The following DUSP4 variants were observed in gnomAD, a reference collection of about 807,000 sequenced individuals.
DUSP4 encodes the protein dual specificity phosphatase 4, also known as dual specificity protein phosphatase 4.
DUSP4 carries 12 observed loss-of-function variants against 27.2 expected under a neutral mutation model. The ratio of observed to expected loss-of-function variants is 0.44; its 90% confidence interval spans 0.28 to 0.71. The LOEUF is 0.71. Ranked by LOEUF, DUSP4 falls within the 30% of genes least tolerant of loss-of-function variation. The pLI, the probability that DUSP4 is intolerant of heterozygous loss-of-function variation, is 0.14. For missense variants in DUSP4, 448 were observed against 551.3 expected, an observed-to-expected ratio of 0.81 and a Z score of 1.88; for synonymous variants, 257 against 245.2, an observed-to-expected ratio of 1.05 and a Z score of -0.45.
Position 29,337,393 on chromosome 8 carries a change from C to T in DUSP4, c.818G>A (p.Arg273His), listed in dbSNP as rs1004262894. The T allele has an allele frequency of 4.4e-6, 7 of 1,606,516 alleles. No homozygotes were observed. The highest frequency in any genetic ancestry group is 2.7e-5 in the African/African-American group (2 of 74,918). ...IEYIDAVKDC[R>H]GRVLVHCQAG... Reference sequence around the variant, plus strand: ...CTGGCAGTGCACCAGCACGCGCCCACGGCAGTCCTTCACGGCATCTGGGGA... The same window carrying T: ...CTGGCAGTGCACCAGCACGCGCCCATGGCAGTCCTTCACGGCATCTGGGGA... Residue 273 changes from arginine to histidine, a missense_variant, in exon 4 of 4, where the codon CGT becomes CAT. Physicochemically the swap from Arg to His is conservative, Grantham distance 29. Coordinates refer to ENST00000240100, the MANE Select transcript of DUSP4 (RefSeq NM_001394.7). This position sits in a 1 kb window ranked among gnomAD's most constrained non-coding sequence, Gnocchi z 6.4.
chr8:29,348,767 G>T, intron 1 of DUSP4: 1 of 985,520 alleles, frequency 1.0e-6, no homozygotes, highest in Non-Finnish European at 1.2e-6. Context: ...GCGGGGGGGA[G>T]GAGCGGCTCT....
Position 29,335,401 on chromosome 8 carries a change from T to G in DUSP4, c.*1625A>C, listed in dbSNP as rs1408218524. 6.6e-6 allele frequency: 1 copy of G among 152,204 alleles called. No individual in the cohort carries two copies. The highest frequency in any genetic ancestry group is 2.4e-5 in the African/African-American group (1 of 41,448). 9.4% of individuals were successfully genotyped at this position (152,204 alleles called of 1,614,324 possible). ...CCAGCAGTCAGCCCCAACCCCACCC[T>G]GGCGCTTTGATTTCCAGTTTGGGAA... On this transcript the variant is annotated 3_prime_UTR_variant, in exon 4 of 4. Transcript: ENST00000240100.
At chr8:29,346,061 G>A in intron 1 of DUSP4, 1 of 985,162 alleles carries the variant, frequency 1.0e-6, no homozygotes, top group Non-Finnish European at 1.2e-6. Flanking sequence ...AAGACAGAGA[G>A]AGCAATGGTG....
At chr8:29,345,447 G>A (rs1409565333) in intron 1 of DUSP4, 3 of 1,613,998 alleles carry the variant, frequency 1.9e-6, no homozygotes, top group Non-Finnish European at 2.5e-6. Context: ...GGCTCGAACT[G>A]GTTTGCAGTC....
chr8:29,346,298 A>C (rs1481120362), intron 1 of DUSP4, among the ~76,000 whole-genome samples: 1 of 152,240 alleles, frequency 6.6e-6, no homozygotes, highest in Non-Finnish European at 1.5e-5. Context: ...TTTCTCCAAC[A>C]GCTCCAGGAC....
intron 1 of DUSP4, 131 bp downstream of exon 1, chr8:29,349,715 A>T: frequency 7.6e-7 from 1 of 1,313,406 alleles, no homozygotes; most frequent in Admixed American, 3.0e-5. Flanking sequence ...ACCAACACAC[A>T]CAAAGGGGCG....
intron 1 of DUSP4, chr8:29,345,871 A>G: frequency 9.6e-7 from 1 of 1,038,148 alleles, no homozygotes; most frequent in Non-Finnish European, 1.2e-6. Context: ...CACCTGTAAG[A>G]CCTAGCAACT....
rs1205793847 is a variant in DUSP4 at position 29,333,779 on chromosome 8, T to TC, written c.*3246dup. 1 of 152,256 alleles carries TC rather than the reference T, an allele frequency of 6.6e-6. No individual in the cohort carries two copies. The highest frequency in any genetic ancestry group is 2.4e-5 in the African/African-American group (1 of 41,542). 9.4% of individuals were successfully genotyped at this position (152,256 alleles called of 1,614,324 possible). On this transcript the variant is annotated 3_prime_UTR_variant, in exon 4 of 4. Coordinates refer to ENST00000240100, the MANE Select transcript of DUSP4 (RefSeq NM_001394.7). ...GCCTGGGTATCAGAACTGTATAAGT[T>TC]CCCCAAGTAATTCCAATGCGGGACC...
In DUSP4 at chr8:29,348,656, G is replaced by A. The variant is rs1342255253; in HGVS notation, c.433+1190C>T. On this transcript the variant is annotated intron_variant, in intron 1 of 3. Coordinates refer to ENST00000240100, the MANE Select transcript of DUSP4 (RefSeq NM_001394.7). ...AACAGTTTTGTTGTGCTTTTTGGAG[G>A]GGAGAGGTTTCCGCCCCCTTTCCAG... The A allele has an allele frequency of 4.2e-5, 41 of 985,346 alleles. No homozygotes were observed. In the Admixed American group the frequency reaches 2.5e-3, roughly 59 times the overall value. 61.0% of individuals were successfully genotyped at this position (985,346 alleles called of 1,614,324 possible).
At position 29,350,506 on chromosome 8, in the gene DUSP4, G is replaced by A; in HGVS notation, c.-228C>T. ...GCGGCCTCGGGCGCCCAGCCGGGCG[G>A]CGCGCAGAGCGGAGGGGGAGGCGCC... is the stretch of plus-strand genomic sequence containing the variant. On this transcript the variant is annotated 5_prime_UTR_variant, in exon 1 of 4. Transcript: ENST00000240100. 1.8e-6 allele frequency: 1 copy of A among 554,640 alleles called. No individual in the cohort carries two copies. The highest frequency in any genetic ancestry group is 3.1e-6 in the Non-Finnish European group (1 of 324,290). The allele number at this position is 554,640 out of a possible 1,614,324, so 34.4% of individuals were successfully genotyped here. A position where few individuals can be genotyped will look rare whatever the true frequency, so the allele number is the denominator to read the frequency against.
In DUSP4 at chr8:29,338,445, G is replaced by T; in HGVS notation, c.636C>A (p.Ala212=). ...FLYLGSAYHA[A]RRDMLDALGI... is the part of the protein sequence containing the mutation. ...CCAGGGCGTCCAGCATGTCTCTCCG[G>T]GCAGCATGGTAGGCACTGCCGAGGT... Residue 212 remains alanine, a synonymous_variant, in exon 3 of 4, where the codon GCC becomes GCA. Transcript: ENST00000240100. 2.5e-6 allele frequency: 4 copies of T among 1,614,136 alleles called. No individual in the cohort carries two copies. Among genetic ancestry groups the T allele is most frequent in the Non-Finnish European group, 2.5e-6 (3 of 1,180,036 alleles).
chr8:29,345,414 C>T (rs1274282184), intron 1 of DUSP4: 6 of 1,613,886 alleles, frequency 3.7e-6, no homozygotes, highest in Non-Finnish European at 5.1e-6. Context: ...TGCCAGCTGG[C>T]TGACACCTAA....
Position 29,343,154 on chromosome 8 carries a change from C to T in DUSP4, c.434-2911G>A, listed in dbSNP as rs555999714. Among the ~76,000 whole-genome samples the T allele has an allele frequency of 2.7e-3, 322 of 120,892 alleles. 4 individuals carry two copies. The highest frequency in any genetic ancestry group is 0.01 in the African/African-American group (292 of 28,448). The allele number at this position is 120,892 out of a possible 152,430, so 79.3% of individuals were successfully genotyped here. On this transcript the variant is annotated intron_variant, in intron 1 of 3. Coordinates refer to ENST00000240100, the MANE Select transcript of DUSP4 (RefSeq NM_001394.7). ...CTGCATTCCAGCCTGGGCGTCAGAG[C>T]GAGACTCCATCTCAAAAAAAAAAAA...
intron 1 of DUSP4, among the ~76,000 whole-genome samples, chr8:29,341,837 A>G (rs547229146): frequency 1.1e-4 from 16 of 152,336 alleles, no homozygotes; most frequent in African/African-American, 3.8e-4. Context: ...ACTTCAGTCC[A>G]TGCTCCCTTT....
chr8:29,334,620 T>C lies in DUSP4; in HGVS notation c.*2406A>G, dbSNP rs1447958875. ...CAAACGTGTACTCGTTCTATAAAAA[T>C]GGAATCTGTTCTGCAGGTTACCGTC... On this transcript the variant is annotated 3_prime_UTR_variant, in exon 4 of 4. Transcript: ENST00000240100. The C allele has an allele frequency of 6.6e-6, 1 of 152,224 alleles. No homozygotes were observed. The highest frequency in any genetic ancestry group is 1.5e-5 in the Non-Finnish European group (1 of 68,040). 9.4% of individuals were successfully genotyped at this position (152,224 alleles called of 1,614,324 possible).
chr8:29,345,884 T>C, intron 1 of DUSP4: 2 of 1,027,302 alleles, frequency 1.9e-6, no homozygotes, highest in South Asian at 8.7e-5. Flanking sequence ...TAGCAACTTA[T>C]GCTTCCAGTC....
At position 29,350,310 on chromosome 8, in the gene DUSP4, G is replaced by T; in HGVS notation, c.-32C>A. 1.3e-6 allele frequency: 2 copies of T among 1,549,284 alleles called. No homozygotes were observed. Among genetic ancestry groups the T allele is most frequent in the African/African-American group, 1.4e-5 (1 of 73,248 alleles). ...CGGGAACCGAGGCGGCTGGGCGCGC[G>T]AGGAAGAGAAGAGAACCCGGGCCGC... On this transcript the variant is annotated 5_prime_UTR_variant, in exon 1 of 4. Transcript: ENST00000240100.
rs1817597643 is a variant in DUSP4 at position 29,337,546 on chromosome 8, A to T, written c.800-135T>A. The T allele has an allele frequency of 2.4e-6, 3 of 1,261,892 alleles. No homozygotes were observed. Among genetic ancestry groups the T allele is most frequent in the Non-Finnish European group, 3.2e-6 (3 of 933,994 alleles). 78.2% of individuals were successfully genotyped at this position (1,261,892 alleles called of 1,614,324 possible). On this transcript the variant is annotated intron_variant, in intron 3 of 3. Transcript: ENST00000240100. The surrounding 1 kb of genome is among the most constrained non-coding windows in gnomAD (Gnocchi z 6.4). ...GCTAGACCAAGGACTGGAGAGGAAG[A>T]AAACCCATGTAGGCAGGTCTCTAGA...
Position 29,336,928 on chromosome 8 carries a change from G to C in DUSP4, c.*98C>G. 1 of 1,428,344 alleles carries C rather than the reference G, an allele frequency of 7.0e-7. No individual in the cohort carries two copies. Among genetic ancestry groups the C allele is most frequent in the Non-Finnish European group, 9.2e-7 (1 of 1,089,380 alleles). The allele number at this position is 1,428,344 out of a possible 1,614,324, so 88.5% of individuals were successfully genotyped here. A position where few individuals can be genotyped will look rare whatever the true frequency, so the allele number is the denominator to read the frequency against. ...GAAATGATGGGGAAGGAGCTCGGTC[G>C]CCTGCTCCCAGCTGCTCAGTCCCAA... On this transcript the variant is annotated 3_prime_UTR_variant, in exon 4 of 4. Transcript: ENST00000240100.
Sources: allele counts gnomAD v4.1 joint callset (sites outside exome capture counted in the v4.1 genomes callset), GRCh38; gene constraint gnomAD v4.1.1; non-coding constraint Gnocchi (gnomAD v3.1); transcripts MANE v1.5; gene names NCBI Gene and HGNC (gene_info 2026-07-23, HGNC 2026-07-21).